Variants in PTPRO observed in about 807,000 individuals in gnomAD.
The protein encoded by PTPRO is protein tyrosine phosphatase receptor type O.
Under a neutral mutation model 145.2 loss-of-function variants are expected in PTPRO, and 62 were observed. The observed-to-expected ratio is 0.43, with a 90% CI of 0.35 to 0.53. The LOEUF (loss-of-function observed/expected upper bound fraction) is 0.53. Ranked by LOEUF, PTPRO falls within the 20% of genes least tolerant of loss-of-function variation. The pLI is 0.01. For missense variants in PTPRO, 1,345 were observed against 1,482.7 expected (o/e 0.91, Z 1.53); for synonymous variants, 565 against 514.7 (o/e 1.10, Z -1.32).
chr12:15,450,371 A>T (rs1201006460), intron 1 of PTPRO, among the ~76,000 whole-genome samples: 2 of 152,200 alleles, frequency 1.3e-5, no homozygotes, highest in Non-Finnish European at 1.5e-5. Context: ...TTTGGTTTCT[A>T]GCCCTTCATC....
intron 12 of PTPRO, among the ~76,000 whole-genome samples, chr12:15,537,946 T>C (rs1310216635): frequency 6.6e-6 from 1 of 152,074 alleles, no homozygotes; most frequent in East Asian, 1.9e-4. Context: ...TTGTGGATGG[T>C]TTCTTCTGAT....
chr12:15,587,108 A>T (rs1415627999), intron 24 of PTPRO, 57 bp downstream of exon 24: 17 of 1,580,568 alleles, frequency 1.1e-5, no homozygotes, highest in Non-Finnish European at 1.4e-5. Context: ...TGTAAGGGGA[A>T]CAGCTCACCA....
intron 24 of PTPRO, 125 bp from the exon 25 acceptor site, chr12:15,589,330 C>T (rs2135670235): frequency 7.6e-7 from 1 of 1,317,058 alleles, no homozygotes; most frequent in Non-Finnish European, 1.1e-6. Flanking sequence ...GAGCCGAGAT[C>T]ATGCCATTGC....
rs959711325 is a variant in PTPRO, at chr12:15,412,026, T to G, written c.76-71948T>G. On this transcript the variant is annotated intron_variant, in intron 1 of 26. Coordinates refer to ENST00000281171, the MANE Select transcript of PTPRO (RefSeq NM_030667.3). ...ATCATTTACCACCCTGTTCATTGTT[T>G]TACTCAGCAGACACCCTCACGCAGC... 2.6e-5 allele frequency among the ~76,000 whole-genome samples: 4 copies of G among 152,328 alleles called. No individual in the cohort carries two copies. The East Asian group carries it at 7.7e-4, about 29-fold the overall frequency.
At chr12:15,367,215 G>A (rs1054699586) in intron 1 of PTPRO, among the ~76,000 whole-genome samples, 7 of 152,220 alleles carry the variant, frequency 4.6e-5, no homozygotes, top group East Asian at 1.9e-4. Context: ...ATAGGCAAAC[G>A]TTTCTGAAGC....
intron 1 of PTPRO, among the ~76,000 whole-genome samples, chr12:15,449,044 G>A (rs150581536): frequency 6.6e-6 from 1 of 151,056 alleles, no homozygotes; most frequent in African/African-American, 2.4e-5. Flanking sequence ...CAAACGATTC[G>A]CAAATAGGGC....
Position 15,469,768 on chromosome 12 carries a change from CAAAAA to C in PTPRO, c.76-14191_76-14187del, listed in dbSNP as rs3085503. 8.6e-3 allele frequency among the ~76,000 whole-genome samples: 947 copies of C among 110,412 alleles called. 9 individuals are homozygous for C. Among genetic ancestry groups the C allele is most frequent in the African/African-American group, 0.03 (894 of 29,314 alleles). The allele number at this position is 110,412 out of a possible 152,430, so 72.4% of individuals were successfully genotyped here. A position where few individuals can be genotyped will look rare whatever the true frequency, so the allele number is the denominator to read the frequency against. ...AGGAATCATGGCGTTAGTGTCCTGA[CAAAAA>C]AAAAAAAAAAAAAATACAGCTTCTA... On this transcript the variant is annotated intron_variant, in intron 1 of 26. Transcript: ENST00000281171.
At chr12:15,390,322 G>T (rs183160585) in intron 1 of PTPRO, among the ~76,000 whole-genome samples, 193 of 152,208 alleles carry the variant, frequency 1.3e-3, no homozygotes, top group African/African-American at 4.2e-3. Flanking sequence ...AATTTATAAG[G>T]AAAAAGAAAT....
rs1268876319 is a variant in PTPRO, at chr12:15,580,849, C to T, written c.3132+18C>T. 1 of 1,613,722 alleles carries T rather than the reference C, an allele frequency of 6.2e-7. No individual in the cohort carries two copies. The highest frequency in any genetic ancestry group is 8.5e-7 in the Non-Finnish European group (1 of 1,179,746). ...AAAGGAGGGTACGTACTTACTGAAA[C>T]TGCTCCCACTTAGCAGCAAAACCTG... On this transcript the variant is annotated intron_variant, in intron 22 of 26. Transcript: ENST00000281171.
At chr12:15,532,658 G>A (rs911616588) in intron 12 of PTPRO, among the ~76,000 whole-genome samples, 2 of 152,132 alleles carry the variant, frequency 1.3e-5, no homozygotes, top group African/African-American at 4.8e-5. Context: ...CCTCCCTTGT[G>A]GTCTATACTT....
chr12:15,551,079 G>A (rs1943445796), intron 14 of PTPRO, among the ~76,000 whole-genome samples: 1 of 152,146 alleles, frequency 6.6e-6, no homozygotes, highest in African/African-American at 2.4e-5. Flanking sequence ...ATGGTAGTTT[G>A]CTAATGTCTT....
intron 9 of PTPRO, among the ~76,000 whole-genome samples, chr12:15,519,049 T>C (rs991048652): frequency 2.0e-5 from 3 of 152,198 alleles, no homozygotes; most frequent in Admixed American, 1.3e-4. Context: ...GACAAAGACA[T>C]ACCCAAGACT....
At chr12:15,362,334 G>A (rs947898992) in intron 1 of PTPRO, among the ~76,000 whole-genome samples, 1 of 152,184 alleles carries the variant, frequency 6.6e-6, no homozygotes, top group African/African-American at 2.4e-5. Context: ...TTGAGTCCCT[G>A]CGTGTTATTC....
intron 1 of PTPRO, among the ~76,000 whole-genome samples, chr12:15,399,478 C>T (rs1939429998): frequency 6.6e-6 from 1 of 152,160 alleles, no homozygotes; most frequent in Admixed American, 6.5e-5. Flanking sequence ...AAGGGCCTCA[C>T]ATAATAAAAT....
At chr12:15,577,514 A>G (rs925319802) in intron 19 of PTPRO, among the ~76,000 whole-genome samples, 5 of 152,218 alleles carry the variant, frequency 3.3e-5, no homozygotes, top group African/African-American at 1.2e-4. Context: ...AACAGTGTTA[A>G]AAGACCCTCC....
intron 1 of PTPRO, among the ~76,000 whole-genome samples, chr12:15,421,055 A>G (rs1565619619): frequency 6.6e-6 from 1 of 152,192 alleles, no homozygotes; most frequent in East Asian, 1.9e-4. Context: ...TTTTGCCATT[A>G]TTGTTTATTT....
At position 15,378,407 on chromosome 12, in the gene PTPRO, A is replaced by G. The variant is rs575453446; in HGVS notation, c.75+55606A>G. Among the ~76,000 whole-genome samples, 5 of 152,208 alleles carry G rather than the reference A, an allele frequency of 3.3e-5. No individual in the cohort carries two copies. The South Asian group carries it at 1.0e-3, about 32-fold the overall frequency. On this transcript the variant is annotated intron_variant, in intron 1 of 26. Coordinates refer to ENST00000281171, the MANE Select transcript of PTPRO (RefSeq NM_030667.3). ...CTATTATATTCTTATAAGAAAATAC[A>G]CTATTAACAACCCCATACCAACAAA... is the stretch of plus-strand genomic sequence containing the variant.
At chr12:15,548,528 A>ATGTG (rs34372542) in intron 13 of PTPRO, among the ~76,000 whole-genome samples, 33,776 of 149,200 alleles carry the variant, frequency 0.23, 3,881 homozygotes, top group Middle Eastern at 0.38. Flanking sequence ...GTGTATATAT[A>ATGTG]TGTGTGTGTG....
chr12:15,359,231 G>A (rs1432840771), intron 1 of PTPRO, among the ~76,000 whole-genome samples: 1 of 152,038 alleles, frequency 6.6e-6, no homozygotes, highest in Non-Finnish European at 1.5e-5. Context: ...GGGGGAGGAG[G>A]GGTAATTAAG....
Sources: gnomAD v4.1 joint callset for allele counts (sites outside exome capture counted in the v4.1 genomes callset) on GRCh38, gnomAD v4.1.1 for gene constraint, MANE v1.5 for transcripts, NCBI Gene and HGNC (gene_info 2026-07-23, HGNC 2026-07-21) for gene names.